The following ACOT1 variants were observed in gnomAD, a reference collection of about 807,000 sequenced individuals.
ACOT1 encodes acyl-CoA thioesterase 1.
Under a neutral mutation model 15.7 loss-of-function variants are expected in ACOT1, and 8 were observed. The ratio of observed to expected loss-of-function variants is 0.51; its 90% confidence interval spans 0.30 to 0.92. The LOEUF (loss-of-function observed/expected upper bound fraction) is 0.92, where lower values mean the gene tolerates loss of function less well. Ranked by LOEUF, ACOT1 falls within the 40% of genes least tolerant of loss-of-function variation. ACOT1 has a pLI of 0.06. For missense variants in ACOT1, 151 were observed against 539.4 expected (o/e 0.28, Z 7.13); for synonymous variants, 67 against 241.2 (o/e 0.28, Z 6.69).
At chr14:73,508,195 T>C in the ACOT1 span, 1 of 1,614,108 alleles carries the variant, frequency 6.2e-7, no homozygotes. Context: ...CTCATTCTTC[T>C]TTGTAAACAG....
chr14:73,496,882 G>GT, the ACOT1 span, among the ~76,000 whole-genome samples: 5 of 152,116 alleles, frequency 3.3e-5, no homozygotes, highest in Non-Finnish European at 7.4e-5. Flanking sequence ...ATATTTGTGG[G>GT]TTTTTTGTTT....
chr14:73,520,841 A>C, the ACOT1 span: 2 of 1,611,446 alleles, frequency 1.2e-6, no homozygotes, highest in Non-Finnish European at 1.7e-6. Flanking sequence ...ACAGGGGCCC[A>C]GCTCTATTAC....
At chr14:73,493,676 G>T in the ACOT1 span, among the ~76,000 whole-genome samples, 1 of 151,912 alleles carries the variant, frequency 6.6e-6, no homozygotes, top group African/African-American at 2.4e-5. Flanking sequence ...CATCTCTAGT[G>T]AGAATACAAA....
At chr14:73,524,255 T>A in the ACOT1 span, among the ~76,000 whole-genome samples, 1 of 131,712 alleles carries the variant, frequency 7.6e-6, no homozygotes, top group East Asian at 2.2e-4. Context: ...ATCATGCCAT[T>A]GCACACCAGC....
chr14:73,492,100 AC>A, the ACOT1 span: 1 of 1,613,344 alleles, frequency 6.2e-7, no homozygotes, highest in Non-Finnish European at 8.5e-7. This position sits in a 1 kb window ranked among gnomAD's most constrained non-coding sequence, Gnocchi z 4.9. Flanking sequence ...GTGTATACCG[AC>A]CCCGAGTCCC....
the ACOT1 span, among the ~76,000 whole-genome samples, chr14:73,524,304 A>ATATATATATAT: frequency 2.1e-5 from 2 of 93,794 alleles, no homozygotes; most frequent in Non-Finnish European, 4.1e-5. Context: ...AAAAAAAAAA[A>ATATATATATAT]AAAAAAATAT....
chr14:73,508,359 T>G, the ACOT1 span: 4 of 1,454,630 alleles, frequency 2.7e-6, no homozygotes, highest in Non-Finnish European at 3.8e-6. Flanking sequence ...GAACAGCCTT[T>G]GGATTGATAC....
chr14:73,502,795 C>G, the ACOT1 span: 1 of 818,852 alleles, frequency 1.2e-6, no homozygotes, highest in Non-Finnish European at 2.1e-6. Context: ...GATCCGCCCA[C>G]CCCGTCTTCC....
the ACOT1 span, chr14:73,520,606 C>G: frequency 2.5e-6 from 1 of 403,724 alleles, no homozygotes; most frequent in Non-Finnish European, 4.4e-6. Context: ...CAGTTCCACC[C>G]TTCATTGCCT....
chr14:73,501,300 T>G, the ACOT1 span, among the ~76,000 whole-genome samples: 4 of 152,126 alleles, frequency 2.6e-5, no homozygotes, highest in East Asian at 5.8e-4. Context: ...GTTTTTCTTG[T>G]ATTTTTAGTA....
the ACOT1 span, among the ~76,000 whole-genome samples, chr14:73,525,392 G>A: frequency 4.6e-5 from 7 of 152,066 alleles, no homozygotes; most frequent in African/African-American, 1.4e-4. Flanking sequence ...CTCAAATTAC[G>A]TGACACATGA....
At chr14:73,519,176 A>G in the ACOT1 span, 259 of 1,608,176 alleles carry the variant, frequency 1.6e-4, no homozygotes, top group East Asian at 1.1e-3. Flanking sequence ...GTGAACAGAC[A>G]AAGAAACAAT....
chr14:73,507,598 T>C, the ACOT1 span, among the ~76,000 whole-genome samples: 1 of 152,026 alleles, frequency 6.6e-6, no homozygotes, highest in Non-Finnish European at 1.5e-5. Context: ...CATGCCTGAC[T>C]AATTTTATTT....
chr14:73,540,666 C>T (rs1889045478), intron 1 of ACOT1, among the ~76,000 whole-genome samples: 2 of 119,254 alleles, frequency 1.7e-5, no homozygotes, highest in African/African-American at 5.8e-5. Context: ...GCACAGGGGT[C>T]TGTGGGACGT....
chr14:73,526,669 AT>A, the ACOT1 span, among the ~76,000 whole-genome samples: 1 of 152,198 alleles, frequency 6.6e-6, no homozygotes, highest in Non-Finnish European at 1.5e-5. Flanking sequence ...CCTAAGCTAC[AT>A]TTCCAGACCT....
At chr14:73,534,422 GTGGCTC>G (rs1888798956), upstream of ACOT1, among the ~76,000 whole-genome samples, 2 of 110,382 alleles carry the variant, frequency 1.8e-5, 1 homozygote. Context: ...GCCGAGTGTA[GTGGCTC>G]TTGCCTATAA....
At chr14:73,525,402 A>G in the ACOT1 span, among the ~76,000 whole-genome samples, 1 of 152,160 alleles carries the variant, frequency 6.6e-6, no homozygotes, top group Non-Finnish European at 1.5e-5. Flanking sequence ...GTGACACATG[A>G]TTAATATGCT....
At chr14:73,491,343 C>A in the ACOT1 span, 1 of 1,441,426 alleles carries the variant, frequency 6.9e-7, no homozygotes, top group Non-Finnish European at 9.1e-7. Context: ...CTGGAGGCCT[C>A]GCCCGCCGCG....
chr14:73,537,679 C>G lies in ACOT1; in HGVS notation c.258C>G (p.Pro86=). The part of the protein sequence containing the change: ...EPMGLLWALE[P]EKPLVRLVKR... ...TGGGGCTGCTCTGGGCCTTGGAGCC[C>G]GAGAAACCCTTGGTGCGGCTGGTGA... The change falls in exon 1 of 3, where the codon CCC becomes CCG. Residue 86 remains proline, a synonymous_variant. Transcript: ENST00000311148. 2 of 1,246,072 alleles carry G rather than the reference C, an allele frequency of 1.6e-6. No homozygotes were observed. The highest frequency in any genetic ancestry group is 2.1e-6 in the Non-Finnish European group (2 of 939,660). The allele number at this position is 1,246,072 out of a possible 1,614,324, so 77.2% of individuals were successfully genotyped here.
Sources: gnomAD v4.1 joint callset for allele counts (sites outside exome capture counted in the v4.1 genomes callset) on GRCh38, gnomAD v4.1.1 for gene constraint, Gnocchi (gnomAD v3.1) non-coding constraint, MANE v1.5 for transcripts, NCBI Gene and HGNC (gene_info 2026-07-23, HGNC 2026-07-21) for gene names.